Variants in SNW1 observed in about 807,000 individuals in gnomAD.
SNW1 encodes SNW domain containing 1, also known as SNW domain-containing protein 1.
Under a neutral mutation model 75.6 loss-of-function variants are expected in SNW1, and 9 were observed. That is an observed-to-expected ratio of 0.12 (90% CI 0.07 to 0.21). The LOEUF is 0.21. Ranked by LOEUF, SNW1 falls within the 10% of genes least tolerant of loss-of-function variation. The pLI is 1.00. For missense variants in SNW1, 409 were observed against 670.9 expected, an observed-to-expected ratio of 0.61 and a Z score of 4.31; for synonymous variants, 200 against 219.1, an observed-to-expected ratio of 0.91 and a Z score of 0.77.
chr14:77,732,614 C>G lies in SNW1; in HGVS notation c.775-13G>C. The G allele has an allele frequency of 7.1e-7, 1 of 1,418,238 alleles. No homozygotes were observed. The allele number at this position is 1,418,238 out of a possible 1,614,324, so 87.9% of individuals were successfully genotyped here. On this transcript the variant is annotated splice_polypyrimidine_tract_variant and intron_variant, in intron 8 of 13. Transcript: ENST00000261531. Reference sequence around the variant, plus strand: ...GAATTGTATAACCCTAGAGTGAAAGCAGACAGAAAACCCAGTCACAGAAGT... The same window carrying G: ...GAATTGTATAACCCTAGAGTGAAAGGAGACAGAAAACCCAGTCACAGAAGT...
In SNW1 at chr14:77,757,643, AC is replaced by A. The variant is rs769093064; in HGVS notation, c.15-2524del. ...CTCTACATACCACTACTACAACATT[AC>A]CTTACTGTATTGCAATCATCTACTC... On this transcript the variant is annotated intron_variant, in intron 1 of 13. Coordinates refer to ENST00000261531, the MANE Select transcript of SNW1 (RefSeq NM_012245.3). Among the ~76,000 whole-genome samples the A allele has an allele frequency of 2.3e-4, 35 of 152,148 alleles. No individual in the cohort carries two copies. In the South Asian group the frequency reaches 2.5e-3, roughly 11 times the overall value.
chr14:77,734,800 A>T (rs2080657694), intron 8 of SNW1, 147 bp downstream of exon 8: 1 of 650,794 alleles, frequency 1.5e-6, no homozygotes, highest in Non-Finnish European at 2.8e-6. Context: ...CTATTACATT[A>T]AAAAAGTCAC....
intron 3 of SNW1, among the ~76,000 whole-genome samples, chr14:77,745,632 G>A (rs2080754910): frequency 6.6e-6 from 1 of 152,136 alleles, no homozygotes; most frequent in African/African-American, 2.4e-5. Flanking sequence ...GCTTGAACTG[G>A]GAAGGCTGAG....
chr14:77,731,058 T>C lies in SNW1; in HGVS notation c.963A>G (p.Glu321=). 6.2e-7 allele frequency: 1 copy of C among 1,614,110 alleles called. No homozygotes were observed. The highest frequency in any genetic ancestry group is 8.5e-7 in the Non-Finnish European group (1 of 1,179,996). Residue 321 remains glutamate, a synonymous_variant, in exon 10 of 14, where the codon GAA becomes GAG. Coordinates refer to ENST00000261531, the MANE Select transcript of SNW1 (RefSeq NM_012245.3). ...KMAQKEKEKH[E]EKLREMAQKA... is the part of the protein sequence containing the mutation. ...TCTGGGCCATTTCTCTAAGTTTCTC[T>C]TCATGTTTTTCCTTTTCTTTCTGAG...
chr14:77,733,742 CAAAAAAAAA>C (rs35483765), intron 8 of SNW1, among the ~76,000 whole-genome samples: 2 of 64,856 alleles, frequency 3.1e-5, no homozygotes, highest in East Asian at 5.6e-4. Flanking sequence ...GAGACCGTCT[CAAAAAAAAA>C]AAAAAAAAAA....
Position 77,735,945 on chromosome 14 carries a change from TAGG to T in SNW1, c.697_699del (p.Pro233del), listed in dbSNP as rs1319736909. On this transcript the variant is annotated inframe_deletion, in exon 7 of 14. Transcript: ENST00000261531. ...ACTACAGCAAAGAATACCTTTCGGC[TAGG>T]AGAATGCATGACAGGCGCAGGAGGA... The T allele has an allele frequency of 6.2e-7, 1 of 1,613,460 alleles. No individual in the cohort carries two copies. Among genetic ancestry groups the T allele is most frequent in the East Asian group, 2.2e-5 (1 of 44,872 alleles).
intron 3 of SNW1, among the ~76,000 whole-genome samples, chr14:77,742,645 A>C (rs1182956016): frequency 6.6e-6 from 1 of 152,050 alleles, no homozygotes; most frequent in Non-Finnish European, 1.5e-5. Context: ...GATAACATAT[A>C]ATTTATCATG....
intron 3 of SNW1, among the ~76,000 whole-genome samples, chr14:77,740,350 A>G (rs112860577): frequency 2.0e-3 from 305 of 152,218 alleles, no homozygotes; most frequent in Admixed American, 3.3e-3. Context: ...TCTTATATTA[A>G]TAAGTCTATC....
Position 77,741,028 on chromosome 14 carries a change from C to T in SNW1, c.331-1967G>A, listed in dbSNP as rs531139809. Among the ~76,000 whole-genome samples the T allele has an allele frequency of 1.2e-4, 17 of 140,456 alleles. No individual in the cohort carries two copies. In the South Asian group the frequency reaches 2.6e-3, roughly 22 times the overall value. 92.1% of individuals were successfully genotyped at this position (140,456 alleles called of 152,430 possible). On this transcript the variant is annotated intron_variant, in intron 3 of 13. Transcript: ENST00000261531. ...AGGAGAATCGCTTGAACCCAGGAGACGGAGGTGACAGTGAGCCGAGATCAT... is the reference window on the plus strand; with the variant it reads ...AGGAGAATCGCTTGAACCCAGGAGATGGAGGTGACAGTGAGCCGAGATCAT...
rs536828004 is a variant in SNW1, at chr14:77,718,535, G to C, written c.1249-5C>G. The C allele has an allele frequency of 2.0e-6, 3 of 1,534,780 alleles. No homozygotes were observed. The highest frequency in any genetic ancestry group is 2.4e-5 in the South Asian group (2 of 84,384). ...TGCAAATCCACTGTCCATACCCTGTGGAAAAATGGATGACATTAAATAAAA... is the reference window on the plus strand; with the variant it reads ...TGCAAATCCACTGTCCATACCCTGTCGAAAAATGGATGACATTAAATAAAA... On this transcript the variant is annotated splice_polypyrimidine_tract_variant and splice_region_variant and intron_variant, in intron 12 of 13. Coordinates refer to ENST00000261531, the MANE Select transcript of SNW1 (RefSeq NM_012245.3).
chr14:77,760,576 G>A, intron 1 of SNW1: 1 of 687,096 alleles, frequency 1.5e-6, no homozygotes, highest in Non-Finnish European at 2.7e-6. Flanking sequence ...ATGCGGAGCA[G>A]TGGCGCATAT....
intron 10 of SNW1, among the ~76,000 whole-genome samples, chr14:77,729,612 A>T (rs1361748530): frequency 1.3e-5 from 2 of 152,168 alleles, no homozygotes; most frequent in Non-Finnish European, 1.5e-5. Flanking sequence ...AATATACTGT[A>T]TGTTAACTAT....
intron 11 of SNW1, chr14:77,721,072 A>G (rs1056003223): frequency 1.7e-5 from 8 of 464,432 alleles, no homozygotes; most frequent in Admixed American, 1.2e-4. Flanking sequence ...AGATTCGTTG[A>G]CATGGAATTC....
At chr14:77,753,550 G>A (rs1027358385) in intron 2 of SNW1, among the ~76,000 whole-genome samples, 1 of 152,080 alleles carries the variant, frequency 6.6e-6, no homozygotes, top group Non-Finnish European at 1.5e-5. Context: ...GCATTCATAA[G>A]GACCAGAGGA....
intron 11 of SNW1, among the ~76,000 whole-genome samples, chr14:77,721,900 A>T (rs947682625): frequency 3.9e-5 from 6 of 152,072 alleles, no homozygotes; most frequent in African/African-American, 1.4e-4. Context: ...GGCATGTGCC[A>T]CCACACCCAG....
intron 2 of SNW1, among the ~76,000 whole-genome samples, chr14:77,753,472 A>C (rs529596373): frequency 6.6e-6 from 1 of 152,102 alleles, no homozygotes; most frequent in African/African-American, 2.4e-5. Flanking sequence ...CATAAATAAC[A>C]CTATCAGAGA....
chr14:77,760,094 TTG>T, intron 1 of SNW1, among the ~76,000 whole-genome samples: 1 of 152,350 alleles, frequency 6.6e-6, no homozygotes, highest in South Asian at 2.1e-4. Flanking sequence ...TGTTCTGTAA[TTG>T]TTTTATGTCT....
At chr14:77,747,089 G>GT (rs537551199) in intron 3 of SNW1, among the ~76,000 whole-genome samples, 179 of 152,226 alleles carry the variant, frequency 1.2e-3, no homozygotes, top group African/African-American at 3.9e-3. Flanking sequence ...ACTGGTTTTC[G>GT]TATTTTTTTG....
intron 12 of SNW1, among the ~76,000 whole-genome samples, chr14:77,719,328 G>A (rs1222967752): frequency 6.6e-6 from 1 of 151,656 alleles, no homozygotes; most frequent in East Asian, 1.9e-4. Flanking sequence ...AGTTGCCATT[G>A]TATAGTGGTT....
Sources: allele counts gnomAD v4.1 joint callset (sites outside exome capture counted in the v4.1 genomes callset), GRCh38; gene constraint gnomAD v4.1.1; transcripts MANE v1.5; gene names NCBI Gene and HGNC (gene_info 2026-07-23, HGNC 2026-07-21).